Variants in TTN observed in about 807,000 individuals in gnomAD.
TTN encodes the protein connectin.
A neutral mutation model predicts 3,223.0 loss-of-function variants in TTN; 1,525 were observed. The ratio of observed to expected loss-of-function variants is 0.47; its 90% confidence interval spans 0.45 to 0.49. TTN has a LOEUF of 0.49. Ranked by LOEUF, TTN falls within the 20% of genes least tolerant of loss-of-function variation. The pLI, the probability that TTN is intolerant of heterozygous loss-of-function variation, is 0.00. For synonymous variants in TTN, 14,094 were observed against 15,161.0 expected, an observed-to-expected ratio of 0.93 and a Z score of 5.17; for missense variants, 40,786 against 43,424.0, an observed-to-expected ratio of 0.94 and a Z score of 5.40.
At chr2:178,540,912 CTAT>C (rs1296428156) in intron 350 of TTN, among the ~76,000 whole-genome samples, 13 of 152,144 alleles carry the variant, frequency 8.5e-5, no homozygotes, top group Non-Finnish European at 1.9e-4. Flanking sequence ...TTTGTAATCA[CTAT>C]TATTATCTTA....
chr2:178,579,236 A>G lies in TTN; in HGVS notation c.67794T>C (p.Ser22598=), dbSNP rs960274505. The G allele has an allele frequency of 1.5e-5, 25 of 1,613,372 alleles. No homozygotes were observed. The highest frequency in any genetic ancestry group is 1.9e-5 in the Non-Finnish European group (23 of 1,179,574). ...EDPLATDTRV[S]VESSAVNTTL... is the part of the protein sequence containing the mutation. ...TTGTGTTAACCGCAGATGACTCAACACTGACTCTAGTGTCAGTTGCTAGAG... is the reference window on the plus strand; with the variant it reads ...TTGTGTTAACCGCAGATGACTCAACGCTGACTCTAGTGTCAGTTGCTAGAG... Residue 22598 remains serine (S), a synonymous_variant, in exon 320 of 363, where the codon AGT becomes AGC. Coordinates refer to ENST00000589042, the MANE Select transcript of TTN (RefSeq NM_001267550.2).
intron 272 of TTN, 41 bp from the exon 273 acceptor site, chr2:178,609,611 A>AAAAT (rs1242533310): frequency 6.4e-7 from 1 of 1,554,504 alleles, no homozygotes; most frequent in African/African-American, 1.4e-5. Context: ...AATTCTGATG[A>AAAAT]AAATAACTGA....
At position 178,548,501 on chromosome 2, in the gene TTN, A is replaced by G. The variant is rs1575474263; in HGVS notation, c.93125T>C (p.Leu31042Pro). 2 of 1,613,862 alleles carry G rather than the reference A, an allele frequency of 1.2e-6. No individual in the cohort carries two copies. Among genetic ancestry groups the G allele is most frequent in the Non-Finnish European group, 1.7e-6 (2 of 1,179,816 alleles). ...ATGATGGATTCGGGCACCACCGTCA[A>G]GAAGAGGGGCATCCCACATCAATGT... ...SATLMWDAPL[L>P]DGGARIHHYV... Residue 31042 changes from leucine (L) to proline (P), a missense_variant, in exon 339 of 363, where the codon CTT (leucine) becomes CCT (proline). Leu to Pro is a moderately conservative substitution (Grantham distance 98). Coordinates refer to ENST00000589042, the MANE Select transcript of TTN (RefSeq NM_001267550.2). The surrounding 1 kb of genome is among the most constrained non-coding windows in gnomAD (Gnocchi z 4.3).
intron 20 of TTN, 73 bp downstream of exon 20, chr2:178,782,139 G>T: frequency 6.4e-7 from 1 of 1,570,042 alleles, no homozygotes; most frequent in Non-Finnish European, 8.8e-7. Flanking sequence ...GGTGGGGTGA[G>T]TAAATTCTAC....
Position 178,634,661 on chromosome 2 carries a change from C to A in TTN, c.42152-32G>T. The A allele has an allele frequency of 6.2e-7, 1 of 1,612,256 alleles. No individual in the cohort carries two copies. Among genetic ancestry groups the A allele is most frequent in the South Asian group, 1.1e-5 (1 of 90,798 alleles). On this transcript the variant is annotated intron_variant, in intron 229 of 362. Coordinates refer to ENST00000589042, the MANE Select transcript of TTN (RefSeq NM_001267550.2). The surrounding 1 kb of genome is among the most constrained non-coding windows in gnomAD (Gnocchi z 4.6). The stretch of plus-strand genomic sequence containing the variant: ...ATCAGACATTAAGAATGAGGCTTTT[C>A]AGAATGCACAGGGAAGTGAAATAAA...
intron 111 of TTN, among the ~76,000 whole-genome samples, chr2:178,699,326 C>T (rs1440769692): frequency 6.8e-6 from 1 of 147,418 alleles, no homozygotes; most frequent in African/African-American, 2.5e-5. Flanking sequence ...TATACCTTAA[C>T]CACGGTTCCT....
chr2:178,627,531 C>T (rs1328426232), intron 240 of TTN, among the ~76,000 whole-genome samples: 3 of 151,930 alleles, frequency 2.0e-5, no homozygotes, highest in African/African-American at 7.2e-5. Flanking sequence ...AGCAAGTTCA[C>T]AAAAGGCTAA....
chr2:178,651,869 T>G lies in TTN; in HGVS notation c.39379+15A>C, dbSNP rs778963297. 3 of 1,603,032 alleles carry G rather than the reference T, an allele frequency of 1.9e-6. No individual in the cohort carries two copies. The East Asian group carries it at 6.8e-5, about 36-fold the overall frequency. On this transcript the variant is annotated intron_variant, in intron 205 of 362. Transcript: ENST00000589042. The stretch of plus-strand genomic sequence containing the variant: ...AGAGTGGCCGAGGTGTCCTAGCAGC[T>G]TTCTTGCCATGTACCTTGTGGAGGC...
Position 178,548,742 on chromosome 2 carries a change from G to A in TTN, c.92884C>T (p.Pro30962Ser). 3.7e-6 allele frequency: 6 copies of A among 1,613,708 alleles called. No individual in the cohort carries two copies. Among genetic ancestry groups the A allele is most frequent in the Non-Finnish European group, 5.1e-6 (6 of 1,179,790 alleles). ...GCCCGAAGGCTAAGGTTAGAGTCTG[G>A]TTTGCTCCACACAGCTGTAGGAGTA... Reference protein sequence around the residue: ...RPTPTAVWSKPDSNLSLRADI... With the variant: ...RPTPTAVWSKSDSNLSLRADI... The change falls in exon 339 of 363, where the codon CCA (proline) becomes TCA (serine). Residue 30962 changes from proline to serine, a missense_variant. Physicochemically the swap from Pro to Ser is moderately conservative, Grantham distance 74. Coordinates refer to ENST00000589042, the MANE Select transcript of TTN (RefSeq NM_001267550.2). The surrounding 1 kb of genome is among the most constrained non-coding windows in gnomAD (Gnocchi z 4.3).
In TTN at chr2:178,773,597, G is replaced by T. The variant is rs759448340; in HGVS notation, c.7459C>A (p.Pro2487Thr). 9 of 1,613,852 alleles carry T rather than the reference G, an allele frequency of 5.6e-6. No individual in the cohort carries two copies. In the African/African-American group the frequency reaches 1.2e-4, roughly 22 times the overall value. Residue 2487 changes from proline (P) to threonine (T), a missense_variant, in exon 32 of 363, where the codon CCT becomes ACT. Coordinates refer to ENST00000589042, the MANE Select transcript of TTN (RefSeq NM_001267550.2). Reference sequence around the variant, plus strand: ...ACAATGGCCTGTACACGGTCATCAGGCTTGATTTGTTCATCATTTAAGTAC... The same window carrying T: ...ACAATGGCCTGTACACGGTCATCAGTCTTGATTTGTTCATCATTTAAGTAC... The part of the protein sequence containing the change: ...KWYLNDEQIK[P>T]DDRVQAIVKG...
Position 178,592,373 on chromosome 2 carries a change from T to G in TTN, c.59626+6A>C. 1 of 1,609,664 alleles carries G rather than the reference T, an allele frequency of 6.2e-7. No homozygotes were observed. Among genetic ancestry groups the G allele is most frequent in the African/African-American group, 1.3e-5 (1 of 74,628 alleles). ...TTTTTAATGGCCTAAGTAGTAAAAT[T>G]CTTACCTAATACAAGTACTTTTACT... On this transcript the variant is annotated splice_donor_region_variant and intron_variant, in intron 301 of 362. Transcript: ENST00000589042.
At position 178,620,817 on chromosome 2, in the gene TTN, T is replaced by C. The variant is rs764279926; in HGVS notation, c.45793A>G (p.Arg15265Gly). 3.1e-6 allele frequency: 5 copies of C among 1,612,818 alleles called. No homozygotes were observed. The South Asian group carries it at 4.4e-5, about 14-fold the overall frequency. Residue 15265 changes from arginine (R) to glycine (G), a missense_variant, in exon 247 of 363, where the codon AGA becomes GGA. Physicochemically the swap from Arg to Gly is moderately radical, Grantham distance 125 (BLOSUM62 -2). Coordinates refer to ENST00000589042, the MANE Select transcript of TTN (RefSeq NM_001267550.2). Reference sequence around the variant, plus strand: ...TCATCTAAGTGTGCATCTCTAATTCTGAGGGTGTAGACTAGGTCTTTTTGG... The same window carrying C: ...TCATCTAAGTGTGCATCTCTAATTCCGAGGGTGTAGACTAGGTCTTTTTGG... ...ILQKDLVYTL[R>G]IRDAHLDDQA... is the part of the protein sequence containing the mutation.
Position 178,588,700 on chromosome 2 carries a change from G to T in TTN, c.63025C>A (p.Arg21009=), listed in dbSNP as rs368452607. 13 of 1,613,128 alleles carry T rather than the reference G, an allele frequency of 8.1e-6. No homozygotes were observed. In the African/African-American group the frequency reaches 1.2e-4, roughly 15 times the overall value. Residue 21009 remains arginine (R), a synonymous_variant, in exon 304 of 363, where the codon CGA becomes AGA. Transcript: ENST00000589042. ...FLEKKEKHST[R]WVPVNKSAIP... ...GCACTCTTGTTGACAGGGACCCATC[G>T]TGTTGAATGCTTTTCCTTTTTCTCC...
chr2:178,604,633 A>T, intron 281 of TTN, 75 bp downstream of exon 281: 1 of 1,427,136 alleles, frequency 7.0e-7, no homozygotes, highest in Non-Finnish European at 9.4e-7. Context: ...TCAAATTCCA[A>T]GGTTATATTA....
Position 178,554,946 on chromosome 2 carries a change from G to A in TTN, c.88513C>T (p.Arg29505Cys), listed in dbSNP as rs372360369. ...AATTCATAGCATCCACTATTAAGGC[G>A]ATCGGCATCTTTGATGAGTATAGAT... ...LASILIKDAD[R>C]LNSGCYELKL... Residue 29505 changes from arginine (R) to cysteine (C), a missense_variant, in exon 331 of 363, where the codon CGC becomes TGC. Transcript: ENST00000589042. 2.1e-5 allele frequency: 34 copies of A among 1,613,626 alleles called. No individual in the cohort carries two copies. In the African/African-American group the frequency reaches 2.9e-4, roughly 14 times the overall value.
intron 6 of TTN, among the ~76,000 whole-genome samples, chr2:178,797,790 A>G (rs948693900): frequency 1.3e-5 from 2 of 152,150 alleles, no homozygotes; most frequent in African/African-American, 4.8e-5. Context: ...TTTGCCATAC[A>G]TACATGTTGA....
At position 178,534,918 on chromosome 2, in the gene TTN, G is replaced by A. The variant is rs114267234; in HGVS notation, c.101697C>T (p.Asp33899=). ...VMIFEFISGL[D]IFERINTSAF... ...CACTTGTGTTAATGCGCTCAAATAT[G>A]TCAAGTCCTGATATAAACTCAAAGA... Residue 33899 remains aspartate (D), a synonymous_variant, in exon 358 of 363, where the codon GAC becomes GAT. Transcript: ENST00000589042. 1,265 of 1,610,766 alleles carry A rather than the reference G, an allele frequency of 7.9e-4. 7 individuals are homozygous for A. The African/African-American group carries it at 0.015, about 19-fold the overall frequency.
chr2:178,666,811 T>A lies in TTN; in HGVS notation c.35875+13A>T. ...ACATGAGATTAAAAAGGTGACTTTCTTCCAACTTGTACCTGTTGGTGATGG... is the reference window on the plus strand; with the variant it reads ...ACATGAGATTAAAAAGGTGACTTTCATCCAACTTGTACCTGTTGGTGATGG... On this transcript the variant is annotated intron_variant, in intron 163 of 362. Transcript: ENST00000589042. 2 of 1,541,422 alleles carry A rather than the reference T, an allele frequency of 1.3e-6. No homozygotes were observed. The highest frequency in any genetic ancestry group is 1.7e-6 in the Non-Finnish European group (2 of 1,145,326).
Position 178,634,263 on chromosome 2 carries a change from T to C in TTN, c.42415+103A>G. 1 of 1,502,752 alleles carries C rather than the reference T, an allele frequency of 6.7e-7. No homozygotes were observed. Among genetic ancestry groups the C allele is most frequent in the Non-Finnish European group, 8.8e-7 (1 of 1,131,780 alleles). 93.1% of individuals were successfully genotyped at this position (1,502,752 alleles called of 1,614,324 possible). On this transcript the variant is annotated intron_variant, in intron 230 of 362. Transcript: ENST00000589042. This position sits in a 1 kb window ranked among gnomAD's most constrained non-coding sequence, Gnocchi z 4.6. ...GTTTTGGTAACACTGTGAAAGTTAA[T>C]TAGTGATGCATTATCACAGCTTTTA...
Sources: gnomAD v4.1 joint callset for allele counts (sites outside exome capture counted in the v4.1 genomes callset) on GRCh38, gnomAD v4.1.1 for gene constraint, Gnocchi (gnomAD v3.1) non-coding constraint, MANE v1.5 for transcripts, NCBI Gene and HGNC (gene_info 2026-07-23, HGNC 2026-07-21) for gene names.